CNTRL: variants seen among roughly 807,000 people sequenced by gnomAD.
CNTRL encodes the protein centriolin, also known as 110 kDa centrosomal protein.
In CNTRL, 233 loss-of-function variants were observed where a neutral mutation model predicts 303.7. The ratio of observed to expected loss-of-function variants is 0.77; its 90% CI spans 0.69 to 0.86. The LOEUF is 0.86. Among genes scored for constraint, CNTRL ranks in the 40% least tolerant of loss-of-function variants. The pLI is 0.00. For missense variants in CNTRL, 2,524 were observed against 2,650.6 expected (o/e 0.95, Z 1.05); for synonymous variants, 900 against 922.2 (o/e 0.98, Z 0.44).
chr9:121,162,124 A>G lies in CNTRL; in HGVS notation c.5276A>G (p.Gln1759Arg). 6.2e-7 allele frequency: 1 copy of G among 1,614,200 alleles called. No homozygotes were observed. The highest frequency in any genetic ancestry group is 8.5e-7 in the Non-Finnish European group (1 of 1,180,028). ...QQKGEIEWQK[Q>R]LLERDKREIE... ...AAAGGGGAAATAGAGTGGCAGAAGC[A>G]GCTCCTTGAGAGGGATAAACGAGAA... is the stretch of plus-strand genomic sequence containing the variant. The change falls in exon 34 of 44, where the codon CAG becomes CGG. Residue 1759 changes from glutamine (Q) to arginine (R), a missense_variant. Gln to Arg is a conservative substitution (Grantham distance 43). Transcript: ENST00000373855.
At chr9:121,120,916 A>G (rs2050195790) in intron 12 of CNTRL, among the ~76,000 whole-genome samples, 1 of 152,228 alleles carries the variant, frequency 6.6e-6, no homozygotes, top group African/African-American at 2.4e-5. Flanking sequence ...TAGTCCTAGC[A>G]TCAGAGGACA....
intron 14 of CNTRL, among the ~76,000 whole-genome samples, chr9:121,135,316 T>C (rs906053142): frequency 1.3e-5 from 2 of 152,250 alleles, no homozygotes; most frequent in African/African-American, 4.8e-5. Context: ...TCTACATTTG[T>C]ATGCTGACTA....
chr9:121,104,198 A>G (rs1357043332), intron 7 of CNTRL, among the ~76,000 whole-genome samples: 1 of 152,234 alleles, frequency 6.6e-6, no homozygotes, highest in Non-Finnish European at 1.5e-5. Context: ...TGCAGCCATA[A>G]AAAAGGATGA....
At chr9:121,114,518 A>G (rs1272482341) in intron 10 of CNTRL, among the ~76,000 whole-genome samples, 1 of 152,214 alleles carries the variant, frequency 6.6e-6, no homozygotes, top group Non-Finnish European at 1.5e-5. Flanking sequence ...CTCTGGGGGA[A>G]AGCAAAAATA....
At chr9:121,081,902 A>T (rs1028336081) in intron 2 of CNTRL, among the ~76,000 whole-genome samples, 1 of 152,196 alleles carries the variant, frequency 6.6e-6, no homozygotes, top group African/African-American at 2.4e-5. Context: ...TTGGGCTTAA[A>T]GTCCCAACCC....
intron 19 of CNTRL, among the ~76,000 whole-genome samples, chr9:121,142,517 TACTTAACAAATGATATTG>T (rs941074391): frequency 3.9e-5 from 6 of 152,352 alleles, no homozygotes; most frequent in Admixed American, 2.6e-4. Context: ...AATTAGGTGG[TACTTAACAAATGATATTG>T]GGAGGAGTTT....
At chr9:121,146,677 C>T (rs772651550) in intron 23 of CNTRL, among the ~76,000 whole-genome samples, 6 of 152,176 alleles carry the variant, frequency 3.9e-5, no homozygotes, top group Non-Finnish European at 5.9e-5. Flanking sequence ...TGGTAAAGCC[C>T]CTGCTCTCAA....
intron 23 of CNTRL, among the ~76,000 whole-genome samples, chr9:121,147,273 G>A (rs1196931657): frequency 6.6e-6 from 1 of 152,172 alleles, no homozygotes; most frequent in African/African-American, 2.4e-5. Flanking sequence ...AAAGTTCTGG[G>A]ATTACAGGCG....
chr9:121,100,772 A>G (rs1040895833), intron 7 of CNTRL, among the ~76,000 whole-genome samples: 2 of 152,226 alleles, frequency 1.3e-5, no homozygotes, highest in Non-Finnish European at 2.9e-5. Context: ...AGTCTCTGAT[A>G]AAACAGACTT....
At chr9:121,107,561 A>G (rs1292011309) in intron 7 of CNTRL, among the ~76,000 whole-genome samples, 4 of 152,196 alleles carry the variant, frequency 2.6e-5, no homozygotes, top group African/African-American at 9.6e-5. Flanking sequence ...CAGCACACTA[A>G]TTGGATTAAA....
intron 11 of CNTRL, among the ~76,000 whole-genome samples, chr9:121,117,047 A>G (rs936331589): frequency 2.0e-5 from 3 of 152,366 alleles, no homozygotes; most frequent in Middle Eastern, 3.4e-3. Context: ...TGCTTGGAAA[A>G]TAGTTATTTA....
In CNTRL at chr9:121,143,495, C is replaced by T. The variant is rs185097089; in HGVS notation, c.2872-408C>T. 3.8e-4 allele frequency among the ~76,000 whole-genome samples: 58 copies of T among 152,232 alleles called. 1 individual carries two copies. The highest frequency in any genetic ancestry group is 2.3e-3 in the Admixed American group (35 of 15,300). On this transcript the variant is annotated intron_variant, in intron 19 of 43. Transcript: ENST00000373855. ...AGTAAGACCAAAATTCTTAAGCCTA[C>T]GAGGCCTACATGATTTGCCTCTGTT...
Position 121,160,155 on chromosome 9 carries a change from C to T in CNTRL, c.4942C>T (p.Leu1648Phe), listed in dbSNP as rs371318999. ...TTTTCAAACACAGGAAGTAAAATCTCTTCTGGAAGAACTGAGTTTTCAGAA... is the reference window on the plus strand; with the variant it reads ...TTTTCAAACACAGGAAGTAAAATCTTTTCTGGAAGAACTGAGTTTTCAGAA... ...KCNHIREVKSLLEELSFQKGE... is the reference protein window; with the variant it reads ...KCNHIREVKSFLEELSFQKGE... Residue 1648 changes from leucine (L) to phenylalanine (F), a missense_variant, in exon 32 of 44, where the codon CTT becomes TTT. Coordinates refer to ENST00000373855, the MANE Select transcript of CNTRL (RefSeq NM_007018.6). 4.7e-6 allele frequency: 7 copies of T among 1,483,984 alleles called. No individual in the cohort carries two copies. Among genetic ancestry groups the T allele is most frequent in the African/African-American group, 2.9e-5 (2 of 68,572 alleles). 91.9% of individuals were successfully genotyped at this position (1,483,984 alleles called of 1,614,324 possible).
chr9:121,100,988 T>A (rs2049136909), intron 7 of CNTRL, among the ~76,000 whole-genome samples: 1 of 150,070 alleles, frequency 6.7e-6, no homozygotes, highest in African/African-American at 2.4e-5. Flanking sequence ...CCACTGTCAA[T>A]GTTAGATCCA....
chr9:121,173,369 C>A lies in CNTRL; in HGVS notation c.6544C>A (p.Leu2182Ile). The change falls in exon 41 of 44, where the codon CTA becomes ATA. Residue 2182 changes from leucine (L) to isoleucine (I), a missense_variant. Transcript: ENST00000373855. The part of the protein sequence containing the change: ...LKNLNQFLPE[L>I]PADLEAILER... ...GAATCTTAATCAGTTTCTTCCAGAA[C>A]TACCAGCAGATCTAGAAGCTATTTT... 1 of 1,614,134 alleles carries A rather than the reference C, an allele frequency of 6.2e-7. No homozygotes were observed. The highest frequency in any genetic ancestry group is 8.5e-7 in the Non-Finnish European group (1 of 1,180,032).
At position 121,147,168 on chromosome 9, in the gene CNTRL, A is replaced by G. The variant is rs192311570; in HGVS notation, c.3459+912A>G. 1.4e-3 allele frequency among the ~76,000 whole-genome samples: 210 copies of G among 152,208 alleles called. 2 individuals carry two copies. The highest frequency in any genetic ancestry group is 4.6e-3 in the African/African-American group (193 of 41,544). ...TAGGCATGCGCCACCACGCCTGGCT[A>G]ATTTTTAGATTTTTAGTAGAGATGG... On this transcript the variant is annotated intron_variant, in intron 23 of 43. Transcript: ENST00000373855.
At chr9:121,124,600 G>A (rs1208178045) in intron 13 of CNTRL, among the ~76,000 whole-genome samples, 1 of 152,070 alleles carries the variant, frequency 6.6e-6, no homozygotes, top group Non-Finnish European at 1.5e-5. Context: ...CCTTGGACAA[G>A]TTGTTTTTAT....
chr9:121,169,363 G>T (rs1313398141), intron 38 of CNTRL, among the ~76,000 whole-genome samples: 1 of 152,192 alleles, frequency 6.6e-6, no homozygotes, highest in Non-Finnish European at 1.5e-5. Flanking sequence ...ACTTGAAAGA[G>T]AAGATAGTAG....
intron 14 of CNTRL, among the ~76,000 whole-genome samples, chr9:121,130,549 C>T (rs1387639225): frequency 2.0e-5 from 3 of 152,172 alleles, no homozygotes; most frequent in East Asian, 1.9e-4. Flanking sequence ...TGCTAGCGGT[C>T]TATCTATTTT....
Sources: gnomAD v4.1 joint callset for allele counts (sites outside exome capture counted in the v4.1 genomes callset) on GRCh38, gnomAD v4.1.1 for gene constraint, MANE v1.5 for transcripts, NCBI Gene and HGNC (gene_info 2026-07-23, HGNC 2026-07-21) for gene names.